FOXO3: variants seen among roughly 807,000 people sequenced by gnomAD.
The protein encoded by FOXO3 is forkhead box O3.
In FOXO3, 4 loss-of-function variants were observed where a neutral mutation model predicts 41.9. The ratio of observed to expected loss-of-function variants is 0.10; its 90% CI spans 0.05 to 0.22. The LOEUF (loss-of-function observed/expected upper bound fraction) is 0.22, where lower values mean the gene tolerates loss of function less well. FOXO3 is among the 10% of genes least tolerant of loss of function. The pLI is 1.00. For missense variants in FOXO3, 534 were observed against 906.8 expected (o/e 0.59, Z 5.28); for synonymous variants, 318 against 389.3 (o/e 0.82, Z 2.16).
chr6:108,580,183 ATTTTTTTT>A (rs11395032), intron 1 of FOXO3, among the ~76,000 whole-genome samples: 20 of 93,072 alleles, frequency 2.1e-4, no homozygotes, highest in Non-Finnish European at 2.7e-4. Context: ...GCTCTTCTTC[ATTTTTTTT>A]TTTTTTTTTT....
intron 1 of FOXO3, among the ~76,000 whole-genome samples, chr6:108,655,131 A>T (rs1778649591): frequency 6.6e-6 from 1 of 152,156 alleles, no homozygotes; most frequent in Non-Finnish European, 1.5e-5. Flanking sequence ...GAAAGTCCAC[A>T]TGCCTTCTTT....
intron 1 of FOXO3, among the ~76,000 whole-genome samples, chr6:108,629,707 A>G (rs1777908600): frequency 6.6e-6 from 1 of 152,068 alleles, no homozygotes; most frequent in Admixed American, 6.6e-5. Flanking sequence ...TAAGTAAGAA[A>G]GGTATCTACT....
intron 1 of FOXO3, among the ~76,000 whole-genome samples, chr6:108,613,361 GT>G (rs71015554): frequency 0.52 from 79,819 of 152,042 alleles, 25,035 homozygotes; most frequent in East Asian, 0.69. Flanking sequence ...AGAGCCTGGA[GT>G]TTTTTTGTGT....
chr6:108,672,144 C>T (rs555999381), intron 2 of FOXO3, among the ~76,000 whole-genome samples: 9 of 152,290 alleles, frequency 5.9e-5, no homozygotes, highest in South Asian at 2.1e-4. Context: ...TTCCCAATGC[C>T]GGTCATCCCA....
At chr6:108,643,358 G>A (rs1778310196) in intron 1 of FOXO3, among the ~76,000 whole-genome samples, 1 of 152,168 alleles carries the variant, frequency 6.6e-6, no homozygotes, top group Non-Finnish European at 1.5e-5. Context: ...ATGAGGATGA[G>A]GGGACTAGTC....
intron 1 of FOXO3, among the ~76,000 whole-genome samples, chr6:108,614,850 T>C (rs923699072): frequency 2.6e-5 from 4 of 152,264 alleles, no homozygotes; most frequent in Admixed American, 2.0e-4. Context: ...TTCCCCCTTT[T>C]CTTGCCTTCT....
intron 1 of FOXO3, among the ~76,000 whole-genome samples, chr6:108,633,257 C>T (rs1020527484): frequency 2.0e-5 from 3 of 152,006 alleles, no homozygotes; most frequent in Non-Finnish European, 2.9e-5. Flanking sequence ...AGTGAAAAAT[C>T]CTTAGCCTGC....
intron 1 of FOXO3, among the ~76,000 whole-genome samples, chr6:108,566,789 G>A (rs2128355710): frequency 1.3e-5 from 2 of 152,298 alleles, no homozygotes; most frequent in Admixed American, 1.3e-4. Flanking sequence ...GGGTCCTGAA[G>A]AGCCACTTTA....
At chr6:108,569,987 G>GTGTTTTTTTTTTT (rs1776049535) in intron 1 of FOXO3, among the ~76,000 whole-genome samples, 1 of 73,246 alleles carries the variant, frequency 1.4e-5, no homozygotes, top group Non-Finnish European at 2.4e-5. Context: ...CCCTTGCGTG[G>GTGTTTTTTTTTTT]TTTTTTTTTT....
At position 108,637,730 on chromosome 6, in the gene FOXO3, C is replaced by T. The variant is rs560630219; in HGVS notation, c.622-25725C>T. Reference sequence around the variant, plus strand: ...TCATGGCCTGGCTTTGCCTCTTCCCCCTTTTGGTCTCTTCTCTAGTAGCTT... The same window carrying T: ...TCATGGCCTGGCTTTGCCTCTTCCCTCTTTTGGTCTCTTCTCTAGTAGCTT... On this transcript the variant is annotated intron_variant, in intron 1 of 2. Coordinates refer to ENST00000406360, the MANE Select transcript of FOXO3 (RefSeq NM_001455.4). Among the ~76,000 whole-genome samples, 7 of 152,190 alleles carry T rather than the reference C, an allele frequency of 4.6e-5. No homozygotes were observed. The East Asian group carries it at 1.4e-3, about 29-fold the overall frequency.
intron 2 of FOXO3, among the ~76,000 whole-genome samples, chr6:108,678,076 A>G (rs1429736551): frequency 6.6e-6 from 1 of 152,244 alleles, no homozygotes; most frequent in Non-Finnish European, 1.5e-5. Context: ...GGATAAGTAA[A>G]TATGACCATG....
At position 108,561,172 on chromosome 6, in the gene FOXO3, C is replaced by T. The variant is rs1775772267; in HGVS notation, c.-37C>T. On this transcript the variant is annotated 5_prime_UTR_variant, in exon 1 of 3. Coordinates refer to ENST00000406360, the MANE Select transcript of FOXO3 (RefSeq NM_001455.4). ...ACCCCGCCCCGGCGCGAGAGGAGAG[C>T]GCGAGAGCCCCAGCCGCGGGCGGGC... The T allele has an allele frequency of 1.3e-6, 2 of 1,518,338 alleles. No homozygotes were observed. The highest frequency in any genetic ancestry group is 1.4e-5 in the African/African-American group (1 of 69,980). 94.1% of individuals were successfully genotyped at this position (1,518,338 alleles called of 1,614,324 possible).
At chr6:108,591,153 C>T (rs1327727224) in intron 1 of FOXO3, among the ~76,000 whole-genome samples, 1 of 152,164 alleles carries the variant, frequency 6.6e-6, no homozygotes, top group African/African-American at 2.4e-5. Context: ...TGGGACTTAT[C>T]GGGTGACCTT....
At chr6:108,573,657 G>A (rs1424672630) in intron 1 of FOXO3, among the ~76,000 whole-genome samples, 1 of 151,696 alleles carries the variant, frequency 6.6e-6, no homozygotes, top group South Asian at 2.1e-4. Flanking sequence ...GTGAAATCTC[G>A]TCTCTACTAA....
chr6:108,679,130 G>A (rs918534821), intron 2 of FOXO3, among the ~76,000 whole-genome samples: 14 of 151,834 alleles, frequency 9.2e-5, no homozygotes, highest in African/African-American at 2.7e-4. Context: ...CTCAGCCTTC[G>A]AAAGTGCTGG....
chr6:108,660,543 T>A (rs1228022151), intron 1 of FOXO3, among the ~76,000 whole-genome samples: 1 of 152,236 alleles, frequency 6.6e-6, no homozygotes, highest in African/African-American at 2.4e-5. Context: ...TATTTACTAA[T>A]GGTAAAATCC....
At chr6:108,615,248 G>C (rs112949868) in intron 1 of FOXO3, among the ~76,000 whole-genome samples, 20 of 152,022 alleles carry the variant, frequency 1.3e-4, no homozygotes, top group Middle Eastern at 3.4e-3. Flanking sequence ...TTTTCTCTCT[G>C]CTTGATGAAA....
intron 1 of FOXO3, among the ~76,000 whole-genome samples, chr6:108,572,237 A>G (rs1776122517): frequency 6.6e-6 from 1 of 152,214 alleles, no homozygotes; most frequent in African/African-American, 2.4e-5. Context: ...GGAGAAGCCA[A>G]GGATCCTCAG....
intron 1 of FOXO3, among the ~76,000 whole-genome samples, chr6:108,656,802 A>G (rs983462964): frequency 2.0e-5 from 3 of 152,222 alleles, no homozygotes; most frequent in Non-Finnish European, 4.4e-5. Context: ...TGTCTTCACA[A>G]CCAGTTAGCA....
Sources: allele counts gnomAD v4.1 joint callset (sites outside exome capture counted in the v4.1 genomes callset), GRCh38; gene constraint gnomAD v4.1.1; transcripts MANE v1.5; gene names NCBI Gene and HGNC (gene_info 2026-07-23, HGNC 2026-07-21).